CACNA1B: variants seen among roughly 807,000 people sequenced by gnomAD.
The protein encoded by CACNA1B is calcium voltage-gated channel subunit alpha1 B.
In CACNA1B, 70 loss-of-function variants were observed where a neutral mutation model predicts 247.2. That is an observed-to-expected ratio of 0.28 (90% CI 0.23 to 0.35). The LOEUF (loss-of-function observed/expected upper bound fraction) is 0.35. Ranked by LOEUF, CACNA1B falls within the 10% of genes least tolerant of loss-of-function variation. The pLI is 1.00. For synonymous variants in CACNA1B, 1,231 were observed against 1,294.4 expected, an observed-to-expected ratio of 0.95 and a Z score of 1.05; for missense variants, 2,367 against 3,197.4, an observed-to-expected ratio of 0.74 and a Z score of 6.26.
At chr9:138,038,961 G>A (rs1432409429) in intron 20 of CACNA1B, among the ~76,000 whole-genome samples, 1 of 152,070 alleles carries the variant, frequency 6.6e-6, no homozygotes, top group Non-Finnish European at 1.5e-5. Context: ...AATGTGGGTG[G>A]ATCACCTGGT....
chr9:138,023,667 C>A lies in CACNA1B; in HGVS notation c.2924C>A (p.Pro975Gln), dbSNP rs749385928. The A allele has an allele frequency of 9.5e-5, 142 of 1,493,250 alleles. No individual in the cohort carries two copies. Among genetic ancestry groups the A allele is most frequent in the Non-Finnish European group, 1.2e-4 (134 of 1,119,842 alleles). 92.5% of individuals were successfully genotyped at this position (1,493,250 alleles called of 1,614,324 possible). The change falls in exon 19 of 47, where the codon CCG (proline) becomes CAG (glutamine). Residue 975 changes from proline (P) to glutamine (Q), a missense_variant. Coordinates refer to ENST00000371372, the MANE Select transcript of CACNA1B (RefSeq NM_000718.4). ...GPREAESGEE[P>Q]ARRHRARHKA... is the part of the protein sequence containing the mutation. ...CGGGAGGCGGAGAGCGGGGAGGAGC[C>A]GGCGCGGCGGCACCGGGCCCGGCAC...
chr9:138,083,947 G>A (rs971916714), intron 36 of CACNA1B, among the ~76,000 whole-genome samples: 1 of 150,826 alleles, frequency 6.6e-6, no homozygotes, highest in African/African-American at 2.5e-5. Context: ...GACCCAAGAT[G>A]CCACTAACCC....
chr9:137,950,114 T>C lies in CACNA1B; in HGVS notation c.967-2160T>C, dbSNP rs1957862254. Reference sequence around the variant, plus strand: ...TGCCGGTGAGTGCAGAAGTCTAGGTTCCCCACTTGGCATCTGTTGACTTAT... The same window carrying C: ...TGCCGGTGAGTGCAGAAGTCTAGGTCCCCCACTTGGCATCTGTTGACTTAT... On this transcript the variant is annotated intron_variant, in intron 6 of 46. Transcript: ENST00000371372. This position sits in a 1 kb window ranked among gnomAD's most constrained non-coding sequence, Gnocchi z 4.8. Among the ~76,000 whole-genome samples, 3 of 152,114 alleles carry C rather than the reference T, an allele frequency of 2.0e-5. No homozygotes were observed. In the South Asian group the frequency reaches 6.2e-4, roughly 32 times the overall value.
chr9:137,932,736 G>C (rs976266758), intron 6 of CACNA1B, among the ~76,000 whole-genome samples: 2 of 152,168 alleles, frequency 1.3e-5, no homozygotes, highest in Non-Finnish European at 2.9e-5. Context: ...CAGCTAGTGG[G>C]CCTGCCTCGA....
chr9:137,979,908 G>T (rs150539993), intron 12 of CACNA1B, among the ~76,000 whole-genome samples: 3 of 152,190 alleles, frequency 2.0e-5, no homozygotes, highest in Non-Finnish European at 4.4e-5. Flanking sequence ...GCTCAGCAAG[G>T]GGACACCAGG....
chr9:137,972,547 G>A (rs967705060), intron 11 of CACNA1B, among the ~76,000 whole-genome samples: 3 of 152,114 alleles, frequency 2.0e-5, no homozygotes, highest in Admixed American at 6.5e-5. Flanking sequence ...TGTCACGGTG[G>A]CCTCACCAGG....
Position 138,102,409 on chromosome 9 carries a change from T to G in CACNA1B, c.5223-302T>G, listed in dbSNP as rs1434262302. ...CCCAAAGCCGCCCCGATGCAGCCCT[T>G]CCTCACCCCTCCATGTTCATTAGCT... On this transcript the variant is annotated intron_variant, in intron 37 of 46. Transcript: ENST00000371372. The surrounding 1 kb of genome is among the most constrained non-coding windows in gnomAD (Gnocchi z 5.4). Among the ~76,000 whole-genome samples, 1 of 152,014 alleles carries G rather than the reference T, an allele frequency of 6.6e-6. No homozygotes were observed. The highest frequency in any genetic ancestry group is 6.5e-5 in the Admixed American group (1 of 15,274).
Position 138,072,368 on chromosome 9 carries a change from C to T in CACNA1B, c.4675-1120C>T, listed in dbSNP as rs1224135428. On this transcript the variant is annotated intron_variant, in intron 32 of 46. Transcript: ENST00000371372. The surrounding 1 kb of genome is among the most constrained non-coding windows in gnomAD (Gnocchi z 4.5). ...GAGGCCCACCCCTCCACTGACACCT[C>T]ATTCCCACCTAACGGTAGCCCTGGA... is the stretch of plus-strand genomic sequence containing the variant. 1.3e-5 allele frequency among the ~76,000 whole-genome samples: 2 copies of T among 152,244 alleles called. No individual in the cohort carries two copies. Among genetic ancestry groups the T allele is most frequent in the African/African-American group, 2.4e-5 (1 of 41,478 alleles).
Position 137,952,511 on chromosome 9 carries a change from G to T in CACNA1B, c.1070+134G>T, listed in dbSNP as rs1957889683. The T allele has an allele frequency of 2.8e-6, 2 of 707,136 alleles. No individual in the cohort carries two copies. The highest frequency in any genetic ancestry group is 5.0e-6 in the Non-Finnish European group (2 of 402,636). The allele number at this position is 707,136 out of a possible 1,614,324, so 43.8% of individuals were successfully genotyped here. Reference sequence around the variant, plus strand: ...CTGTGGTGGTTGCCCCTGGTGTTCTGGGTTCTGGTAGCCCTTCCTTTGTGC... The same window carrying T: ...CTGTGGTGGTTGCCCCTGGTGTTCTTGGTTCTGGTAGCCCTTCCTTTGTGC... On this transcript the variant is annotated intron_variant, in intron 7 of 46. Coordinates refer to ENST00000371372, the MANE Select transcript of CACNA1B (RefSeq NM_000718.4). The surrounding 1 kb of genome is among the most constrained non-coding windows in gnomAD (Gnocchi z 4.8).
chr9:137,959,610 G>A (rs914562288), intron 10 of CACNA1B, among the ~76,000 whole-genome samples: 3 of 152,036 alleles, frequency 2.0e-5, no homozygotes, highest in African/African-American at 7.3e-5. Context: ...TTGGACCAGT[G>A]TTGTGACTTA....
Position 138,072,335 on chromosome 9 carries a change from G to A in CACNA1B, c.4675-1153G>A, listed in dbSNP as rs763450886. Among the ~76,000 whole-genome samples the A allele has an allele frequency of 2.0e-5, 3 of 152,234 alleles. No individual in the cohort carries two copies. The highest frequency in any genetic ancestry group is 6.5e-5 in the Admixed American group (1 of 15,282). On this transcript the variant is annotated intron_variant, in intron 32 of 46. Coordinates refer to ENST00000371372, the MANE Select transcript of CACNA1B (RefSeq NM_000718.4). This position sits in a 1 kb window ranked among gnomAD's most constrained non-coding sequence, Gnocchi z 4.5. Reference sequence around the variant, plus strand: ...ACGGGTTGGGCCACTGTCCCTGGAAGGAAGAGTGAGGCCCACCCCTCCACT... The same window carrying A: ...ACGGGTTGGGCCACTGTCCCTGGAAAGAAGAGTGAGGCCCACCCCTCCACT...
intron 17 of CACNA1B, 72 bp from the exon 18 acceptor site, chr9:138,013,057 G>GTT: frequency 9.1e-7 from 1 of 1,104,178 alleles, no homozygotes; most frequent in Non-Finnish European, 1.4e-6. Context: ...AAGAGCTGAT[G>GTT]TTATATATAG....
chr9:138,115,591 C>G lies in CACNA1B; in HGVS notation c.5689C>G (p.Leu1897Val), dbSNP rs2131367907. 1 of 1,613,778 alleles carries G rather than the reference C, an allele frequency of 6.2e-7. No homozygotes were observed. The highest frequency in any genetic ancestry group is 8.5e-7 in the Non-Finnish European group (1 of 1,179,846). The change falls in exon 42 of 47, where the codon CTG becomes GTG. Residue 1897 changes from leucine (L) to valine (V), a missense_variant. By Grantham distance (32) the Leu-to-Val change is conservative. Around this residue, in one of 12 missense-constraint regions of CACNA1B, gnomAD observed 773 missense variants for 779.4 expected, o/e 0.99. Transcript: ENST00000371372. ...CCTGTTCCACCCTCTGAAGGCCACC[C>G]TGGAGCAGACACAGCCGGCTGTGCT... ...VSLFHPLKAT[L>V]EQTQPAVLRG... is the part of the protein sequence containing the mutation.
intron 39 of CACNA1B, among the ~76,000 whole-genome samples, chr9:138,107,218 T>TTTTATTTA (rs56043117): frequency 0.064 from 8,620 of 135,678 alleles, 366 homozygotes; most frequent in Admixed American, 0.09. Context: ...AATCATCTTA[T>TTTTATTTA]TTTATTTATT....
chr9:138,020,676 G>T lies in CACNA1B; in HGVS notation c.2268-2335G>T, dbSNP rs1958833786. Among the ~76,000 whole-genome samples, 2 of 152,294 alleles carry T rather than the reference G, an allele frequency of 1.3e-5. No homozygotes were observed. Among genetic ancestry groups the T allele is most frequent in the Admixed American group, 1.3e-4 (2 of 15,306 alleles). ...GAACCAGTGGGGCTGCGGGGGGCGGGCAGGTGCCCTAGCGTAGGCTGCTCA... is the reference window on the plus strand; with the variant it reads ...GAACCAGTGGGGCTGCGGGGGGCGGTCAGGTGCCCTAGCGTAGGCTGCTCA... On this transcript the variant is annotated intron_variant, in intron 18 of 46. Transcript: ENST00000371372. This position sits in a 1 kb window ranked among gnomAD's most constrained non-coding sequence, Gnocchi z 4.1.
At chr9:137,988,479 G>T (rs938712957) in intron 15 of CACNA1B, among the ~76,000 whole-genome samples, 4 of 152,172 alleles carry the variant, frequency 2.6e-5, no homozygotes, top group Admixed American at 2.6e-4. Flanking sequence ...ATGAGGGAGA[G>T]AAGTTGAAGT....
chr9:138,005,564 C>G (rs573981882), intron 15 of CACNA1B, among the ~76,000 whole-genome samples: 133 of 152,230 alleles, frequency 8.7e-4, no homozygotes, highest in African/African-American at 3.1e-3. Context: ...GTGACTATAA[C>G]TAACAACAAT....
intron 20 of CACNA1B, among the ~76,000 whole-genome samples, chr9:138,042,033 C>T (rs1000323124): frequency 5.3e-5 from 8 of 152,180 alleles, no homozygotes; most frequent in South Asian, 2.1e-4. Context: ...GGCCTCCCAA[C>T]GTGCTGGGAT....
At chr9:138,089,085 A>G (rs1284873808) in intron 36 of CACNA1B, among the ~76,000 whole-genome samples, 1 of 151,702 alleles carries the variant, frequency 6.6e-6, no homozygotes, top group Non-Finnish European at 1.5e-5. Flanking sequence ...AAGCTCTTCT[A>G]GAAAATTGAA....
Sources: gnomAD v4.1 joint callset for allele counts (sites outside exome capture counted in the v4.1 genomes callset) on GRCh38, gnomAD v4.1.1 for gene constraint, gnomAD v4.1.1 regional missense constraint, Gnocchi (gnomAD v3.1) non-coding constraint, MANE v1.5 for transcripts, NCBI Gene and HGNC (gene_info 2026-07-23, HGNC 2026-07-21) for gene names.